Variants in ANO3 observed in about 807,000 individuals in gnomAD.
The protein encoded by ANO3 is anoctamin-3.
ANO3 carries 99 observed loss-of-function variants against 144.8 expected under a neutral mutation model. That is an observed-to-expected ratio of 0.68 (90% CI 0.58 to 0.81). The LOEUF is 0.81. ANO3 is among the 30% of genes least tolerant of loss of function. The pLI, the probability that ANO3 is intolerant of heterozygous loss-of-function variation, is 0.00. For synonymous variants in ANO3, 414 were observed against 392.6 expected, an observed-to-expected ratio of 1.05 and a Z score of -0.64; for missense variants, 905 against 1,202.2, an observed-to-expected ratio of 0.75 and a Z score of 3.66.
At chr11:26,470,947 C>T (rs1859759913) in intron 4 of ANO3, among the ~76,000 whole-genome samples, 1 of 151,952 alleles carries the variant, frequency 6.6e-6, no homozygotes, top group African/African-American at 2.4e-5. Flanking sequence ...AATAGCCATT[C>T]AGGACTTCAC....
At chr11:26,256,748 CT>C (rs1243172756) in intron 1 of ANO3, among the ~76,000 whole-genome samples, 1 of 152,106 alleles carries the variant, frequency 6.6e-6, no homozygotes, top group African/African-American at 2.4e-5. Context: ...TTTCTGCCCC[CT>C]TTTTCTAAAC....
intron 6 of ANO3, among the ~76,000 whole-genome samples, chr11:26,521,178 C>A (rs1191939684): frequency 1.3e-5 from 2 of 152,058 alleles, no homozygotes; most frequent in African/African-American, 4.8e-5. Flanking sequence ...AATCTAGTCT[C>A]CAATTGACAA....
intron 1 of ANO3, among the ~76,000 whole-genome samples, chr11:26,221,753 G>A (rs1458118913): frequency 6.6e-6 from 1 of 152,116 alleles, no homozygotes. Context: ...GAGAGTGGGT[G>A]CAAGAGAGGA....
chr11:26,370,552 C>T (rs2199376), intron 1 of ANO3, among the ~76,000 whole-genome samples: 40,626 of 151,994 alleles, frequency 0.27, 6,099 homozygotes, highest in African/African-American at 0.41. Context: ...GTTTGGAGGG[C>T]TCAGAAGAAA....
chr11:26,580,232 T>C (rs1590580348), intron 14 of ANO3, among the ~76,000 whole-genome samples: 2 of 152,104 alleles, frequency 1.3e-5, no homozygotes, highest in East Asian at 1.9e-4. Context: ...TTTTAAATTA[T>C]GTCTTTATAT....
At chr11:26,579,556 T>C (rs760238096) in intron 14 of ANO3, among the ~76,000 whole-genome samples, 1 of 152,316 alleles carries the variant, frequency 6.6e-6, no homozygotes, top group Admixed American at 6.5e-5. Flanking sequence ...TGAAAACATA[T>C]GGTTAGCTAA....
intron 1 of ANO3, among the ~76,000 whole-genome samples, chr11:26,366,661 A>T (rs1179893293): frequency 2.0e-5 from 3 of 151,930 alleles, no homozygotes; most frequent in Admixed American, 6.6e-5. Context: ...CTTTTTAATG[A>T]TTGCCATTCT....
chr11:26,484,300 A>G (rs1327845127), intron 4 of ANO3, among the ~76,000 whole-genome samples: 3 of 152,172 alleles, frequency 2.0e-5, no homozygotes, highest in Non-Finnish European at 4.4e-5. Context: ...GTTATTGCCA[A>G]GACAATGGGG....
intron 3 of ANO3, among the ~76,000 whole-genome samples, chr11:26,444,566 G>T (rs72886272): frequency 0.18 from 26,753 of 151,924 alleles, 2,548 homozygotes; most frequent in South Asian, 0.3. Context: ...TCAGATCACT[G>T]GAGGGCTTTT....
chr11:26,633,874 G>A (rs749032459), intron 18 of ANO3, among the ~76,000 whole-genome samples: 6 of 151,922 alleles, frequency 3.9e-5, no homozygotes, highest in East Asian at 1.9e-4. Flanking sequence ...TCAGGAGTTC[G>A]AGACCACCGT....
chr11:26,519,495 C>T (rs896379400), intron 6 of ANO3, among the ~76,000 whole-genome samples: 1 of 152,068 alleles, frequency 6.6e-6, no homozygotes, highest in Non-Finnish European at 1.5e-5. Flanking sequence ...AACAAATTAC[C>T]ACATACTGGA....
At chr11:26,232,252 A>G (rs76128181) in intron 1 of ANO3, among the ~76,000 whole-genome samples, 60 of 152,274 alleles carry the variant, frequency 3.9e-4, no homozygotes, top group African/African-American at 1.4e-3. Flanking sequence ...CCTTCCAAAG[A>G]ATGGAGAAGG....
intron 1 of ANO3, among the ~76,000 whole-genome samples, chr11:26,369,853 G>A (rs940144875): frequency 6.6e-6 from 1 of 151,840 alleles, no homozygotes; most frequent in African/African-American, 2.4e-5. Flanking sequence ...AGTTATCCTC[G>A]GATACTCAAA....
intron 1 of ANO3, among the ~76,000 whole-genome samples, chr11:26,441,116 T>TTG (rs1565026374): frequency 1.7e-5 from 2 of 118,114 alleles, no homozygotes; most frequent in African/African-American, 6.8e-5. Context: ...GTTTTTTTTT[T>TTG]TTTTTTTTTT....
chr11:26,299,312 C>G (rs1319838106), intron 1 of ANO3, among the ~76,000 whole-genome samples: 1 of 152,062 alleles, frequency 6.6e-6, no homozygotes, highest in African/African-American at 2.4e-5. Flanking sequence ...ATCAAAGAAG[C>G]TGAAGGTTAA....
chr11:26,256,069 G>A (rs900133451), intron 1 of ANO3, among the ~76,000 whole-genome samples: 6 of 152,092 alleles, frequency 3.9e-5, no homozygotes, highest in South Asian at 2.1e-4. Flanking sequence ...ATCAGGAAGC[G>A]GGGTCAGCAT....
At chr11:26,659,167 G>A (rs916911032) in intron 26 of ANO3, among the ~76,000 whole-genome samples, 1 of 125,022 alleles carries the variant, frequency 8.0e-6, no homozygotes, top group Non-Finnish European at 1.8e-5. Context: ...GTGTGTATGT[G>A]TATATATATT....
chr11:26,450,040 G>A (rs1275100886), intron 3 of ANO3, among the ~76,000 whole-genome samples: 1 of 152,152 alleles, frequency 6.6e-6, no homozygotes, highest in African/African-American at 2.4e-5. Context: ...TCAGGGGTGA[G>A]CCACTGTGCC....
intron 3 of ANO3, among the ~76,000 whole-genome samples, chr11:26,449,490 C>CTT (rs1858835693): frequency 1.8e-4 from 4 of 22,454 alleles, no homozygotes; most frequent in Admixed American, 8.4e-4. Context: ...CTCTCTCTCA[C>CTT]ACACACACAC....
Sources: allele counts gnomAD v4.1 joint callset (sites outside exome capture counted in the v4.1 genomes callset), GRCh38; gene constraint gnomAD v4.1.1; transcripts MANE v1.5; gene names NCBI Gene and HGNC (gene_info 2026-07-23, HGNC 2026-07-21).